The following SDK2 variants were observed in gnomAD, a reference collection of about 807,000 sequenced individuals.
The protein encoded by SDK2 is protein sidekick-2.
A neutral mutation model predicts 253.9 loss-of-function variants in SDK2; 105 were observed. The ratio of observed to expected loss-of-function variants is 0.41; its 90% confidence interval spans 0.35 to 0.49. The LOEUF (loss-of-function observed/expected upper bound fraction) is 0.49, where lower values mean the gene tolerates loss of function less well. SDK2 is among the 20% of genes least tolerant of loss of function. The probability of loss-of-function intolerance (pLI) is 0.06; values close to 1 mark genes in which losing one functional copy is unlikely to be tolerated. For synonymous variants in SDK2, 1,249 were observed against 1,234.9 expected (o/e 1.01, Z -0.24); for missense variants, 2,608 against 3,003.0 (o/e 0.87, Z 3.07).
At chr17:73,588,747 C>T (rs185057437) in intron 1 of SDK2, among the ~76,000 whole-genome samples, 9 of 152,338 alleles carry the variant, frequency 5.9e-5, no homozygotes, top group East Asian at 1.9e-4. Context: ...GTCAGTAGTG[C>T]GGAGACTGGG....
intron 27 of SDK2, among the ~76,000 whole-genome samples, chr17:73,391,753 C>T (rs1285461466): frequency 6.6e-6 from 1 of 152,232 alleles, no homozygotes; most frequent in Non-Finnish European, 1.5e-5. Flanking sequence ...AAATAGGCAT[C>T]ATTTGGCAGC....
At chr17:73,409,331 A>AG (rs2063106355) in intron 18 of SDK2, among the ~76,000 whole-genome samples, 1 of 152,112 alleles carries the variant, frequency 6.6e-6, no homozygotes, top group South Asian at 2.1e-4. Context: ...AAATACAAAA[A>AG]TGAGCCGGGC....
chr17:73,424,981 A>G (rs2063267922), intron 12 of SDK2, among the ~76,000 whole-genome samples: 1 of 152,224 alleles, frequency 6.6e-6, no homozygotes, highest in African/African-American at 2.4e-5. Context: ...GCACTTTGGG[A>G]GGCCGAGGTG....
At chr17:73,353,090 C>A (rs1367514411) in intron 40 of SDK2, among the ~76,000 whole-genome samples, 6 of 149,582 alleles carry the variant, frequency 4.0e-5, no homozygotes, top group Non-Finnish European at 5.9e-5. Flanking sequence ...GACTCAGTCT[C>A]AAAAAAAAAA....
intron 5 of SDK2, among the ~76,000 whole-genome samples, chr17:73,441,157 G>A (rs1285389206): frequency 2.6e-5 from 4 of 152,082 alleles, no homozygotes; most frequent in Non-Finnish European, 5.9e-5. Flanking sequence ...CGCTGACCTT[G>A]ACGGCCTTCC....
intron 1 of SDK2, among the ~76,000 whole-genome samples, chr17:73,617,088 T>A (rs1464744856): frequency 6.6e-6 from 1 of 151,728 alleles, no homozygotes; most frequent in Non-Finnish European, 1.5e-5. Flanking sequence ...AGAGCTGACC[T>A]CGCACTGAGC....
rs1025201279 is a variant in SDK2, at chr17:73,638,861, G to A, written c.64+5164C>T. ...GTCTCGCTCTGTTGTGTAGGCTGGA[G>A]TACAGTGGCACGATCTCAGCTCACT... On this transcript the variant is annotated intron_variant, in intron 1 of 44. Coordinates refer to ENST00000392650, the MANE Select transcript of SDK2 (RefSeq NM_001144952.2). Among the ~76,000 whole-genome samples, 3 of 148,280 alleles carry A rather than the reference G, an allele frequency of 2.0e-5. No individual in the cohort carries two copies. The East Asian group carries it at 5.9e-4, about 29-fold the overall frequency.
Position 73,612,993 on chromosome 17 carries a change from C to T in SDK2, c.64+31032G>A, listed in dbSNP as rs2014209. On this transcript the variant is annotated intron_variant, in intron 1 of 44. Coordinates refer to ENST00000392650, the MANE Select transcript of SDK2 (RefSeq NM_001144952.2). The surrounding 1 kb of genome is among the most constrained non-coding windows in gnomAD (Gnocchi z 4.4). The stretch of plus-strand genomic sequence containing the variant: ...TGTTTAGTATACACCAGGCTCTGTG[C>T]GACATGCTGTCTGATCTGCCACCAA... Among the ~76,000 whole-genome samples the T allele has an allele frequency of 0.44, 66,327 of 152,028 alleles. 15,020 individuals are homozygous for T. The highest frequency in any genetic ancestry group is 0.53 in the Admixed American group (8,104 of 15,278).
rs938767748 is a variant in SDK2 at position 73,349,399 on chromosome 17, C to T, written c.6039-674G>A. Among the ~76,000 whole-genome samples the T allele has an allele frequency of 4.6e-5, 7 of 152,188 alleles. No individual in the cohort carries two copies. In the East Asian group the frequency reaches 1.2e-3, roughly 25 times the overall value. ...GAGAGGCTGGACTCCTCCTGACTGC[C>T]GCCTCCAATGAGCTGGGAATGCCAA... On this transcript the variant is annotated intron_variant, in intron 43 of 44. Coordinates refer to ENST00000392650, the MANE Select transcript of SDK2 (RefSeq NM_001144952.2).
At chr17:73,490,779 G>A (rs2063800981) in intron 2 of SDK2, among the ~76,000 whole-genome samples, 1 of 151,618 alleles carries the variant, frequency 6.6e-6, no homozygotes, top group South Asian at 2.1e-4. Flanking sequence ...ACCACCCCTT[G>A]GCCTCCTAAA....
rs1015459841 is a variant in SDK2, at chr17:73,639,108, C to G, written c.64+4917G>C. ...TACAGGCGTGAGCCACTGTGCCTGG[C>G]TGGTAGACACAACTATTTTTAACTT... On this transcript the variant is annotated intron_variant, in intron 1 of 44. Coordinates refer to ENST00000392650, the MANE Select transcript of SDK2 (RefSeq NM_001144952.2). This position sits in a 1 kb window ranked among gnomAD's most constrained non-coding sequence, Gnocchi z 4.3. Among the ~76,000 whole-genome samples the G allele has an allele frequency of 6.6e-6, 1 of 152,188 alleles. No individual in the cohort carries two copies. The highest frequency in any genetic ancestry group is 2.4e-5 in the African/African-American group (1 of 41,444).
intron 18 of SDK2, among the ~76,000 whole-genome samples, chr17:73,409,898 G>A (rs1445743722): frequency 6.6e-6 from 1 of 151,458 alleles, no homozygotes; most frequent in Non-Finnish European, 1.5e-5. Flanking sequence ...TCTGTCACTC[G>A]GGCTGGAGTG....
chr17:73,368,190 G>C (rs2062701688), intron 37 of SDK2, among the ~76,000 whole-genome samples: 1 of 152,138 alleles, frequency 6.6e-6, no homozygotes, highest in African/African-American at 2.4e-5. Context: ...ATGAGGTGTG[G>C]GGGTTTCTCA....
chr17:73,366,112 C>T (rs189006481), intron 37 of SDK2, among the ~76,000 whole-genome samples: 89 of 152,304 alleles, frequency 5.8e-4, no homozygotes, highest in Middle Eastern at 3.4e-3. Flanking sequence ...TCCGGCGCTG[C>T]CTCCCCACCA....
intron 1 of SDK2, among the ~76,000 whole-genome samples, chr17:73,572,307 G>T (rs73351552): frequency 6.6e-6 from 1 of 151,984 alleles, no homozygotes; most frequent in Non-Finnish European, 1.5e-5. Flanking sequence ...CCTACCTGCC[G>T]TGAGGGCTCA....
At chr17:73,626,023 C>A (rs780053905) in intron 1 of SDK2, among the ~76,000 whole-genome samples, 2 of 152,280 alleles carry the variant, frequency 1.3e-5, no homozygotes, top group African/African-American at 2.4e-5. Context: ...CAGGGCTATA[C>A]CCCCTTTCCG....
rs748410857 is a variant in SDK2 at position 73,419,237 on chromosome 17, C to T, written c.2115G>A (p.Gln705=). Reference sequence around the variant, plus strand: ...GCGGCTGCCACTGGATCATGATGGACTGGTTGGTTCGACCGCTGGCGATGA... The same window carrying T: ...GCGGCTGCCACTGGATCATGATGGATTGGTTGGTTCGACCGCTGGCGATGA... ...QNVIASGRTN[Q]SIMIQWQPPP... Residue 705 remains glutamine, a synonymous_variant, in exon 16 of 45, where the codon CAG becomes CAA. Coordinates refer to ENST00000392650, the MANE Select transcript of SDK2 (RefSeq NM_001144952.2). The T allele has an allele frequency of 2.4e-5, 39 of 1,612,852 alleles. No individual in the cohort carries two copies. The highest frequency in any genetic ancestry group is 3.1e-5 in the Non-Finnish European group (37 of 1,179,650).
In SDK2 at chr17:73,631,132, C is replaced by T. The variant is rs573828816; in HGVS notation, c.64+12893G>A. On this transcript the variant is annotated intron_variant, in intron 1 of 44. Transcript: ENST00000392650. ...GCCATCACATCAACACTGACAGCCG[C>T]GTATTTATTACTGTCCCGACGACTA... Among the ~76,000 whole-genome samples the T allele has an allele frequency of 2.0e-5, 3 of 152,270 alleles. No individual in the cohort carries two copies. The East Asian group carries it at 5.8e-4, about 29-fold the overall frequency.
intron 1 of SDK2, among the ~76,000 whole-genome samples, chr17:73,572,085 C>T (rs997612822): frequency 5.9e-5 from 9 of 152,126 alleles, no homozygotes; most frequent in Non-Finnish European, 1.0e-4. Context: ...AAACTGCAGG[C>T]GGACAAGACC....
Sources: allele counts gnomAD v4.1 joint callset (sites outside exome capture counted in the v4.1 genomes callset), GRCh38; gene constraint gnomAD v4.1.1; non-coding constraint Gnocchi (gnomAD v3.1); transcripts MANE v1.5; gene names NCBI Gene and HGNC (gene_info 2026-07-23, HGNC 2026-07-21).